MMP25: variants seen among roughly 807,000 people sequenced by gnomAD.
MMP25 encodes matrix metallopeptidase 25, also known as matrix metalloproteinase-25.
MMP25 carries 68 observed loss-of-function variants against 62.1 expected under a neutral mutation model. The ratio of observed to expected loss-of-function variants is 1.10; its 90% confidence interval spans 0.90 to 1.34. The LOEUF is 1.34. Ranked by LOEUF, MMP25 falls within the 40% of genes most tolerant of loss-of-function variation. MMP25 has a pLI of 0.00. For synonymous variants in MMP25, 407 were observed against 345.6 expected (o/e 1.18, Z -1.97); for missense variants, 942 against 792.5 (o/e 1.19, Z -2.26).
rs1052156909 is a variant in MMP25 at position 3,059,364 on chromosome 16, C to T, written c.*266C>T. ...TTCAGGGGCGCACGCGCGCTGGGAC[C>T]ATGCGTCGGTCGTCGCCCCCGTCGT... On this transcript the variant is annotated 3_prime_UTR_variant, in exon 10 of 10. Coordinates refer to ENST00000336577, the MANE Select transcript of MMP25 (RefSeq NM_022468.5). 1 of 361,574 alleles carries T rather than the reference C, an allele frequency of 2.8e-6. No homozygotes were observed. The highest frequency in any genetic ancestry group is 4.1e-5 in the East Asian group (1 of 24,328). 22.4% of individuals were successfully genotyped at this position (361,574 alleles called of 1,614,324 possible). A position where few individuals can be genotyped will look rare whatever the true frequency, so the allele number is the denominator to read the frequency against.
In MMP25 at chr16:3,057,394, G is replaced by A; in HGVS notation, c.923G>A (p.Ser308Asn). The part of the protein sequence containing the change: ...PPQPPASPTH[S>N]PSFPIPDRCE... ...CAGCCCCCGGCCTCGCCCACACACA[G>A]GTGAGTCCCCCACCAACTCGGAGAC... Residue 308 changes from serine (S) to asparagine (N), a missense_variant and splice_region_variant, in exon 6 of 10, where the codon AGC (serine) becomes AAC (asparagine). Ser to Asn is a conservative substitution (Grantham distance 46, BLOSUM62 1). Transcript: ENST00000336577. The A allele has an allele frequency of 1.2e-6, 2 of 1,611,440 alleles. No individual in the cohort carries two copies. Among genetic ancestry groups the A allele is most frequent in the South Asian group, 1.1e-5 (1 of 90,760 alleles).
intron 4 of MMP25, chr16:3,053,087 G>C (rs995944905): frequency 2.6e-5 from 4 of 152,214 alleles, no homozygotes; most frequent in Admixed American, 6.5e-5. Flanking sequence ...CTGAGTGACG[G>C]GGGAAGGGGG....
intron 7 of MMP25, 149 bp from the exon 8 acceptor site, chr16:3,058,032 G>C: frequency 2.2e-6 from 2 of 922,110 alleles, no homozygotes; most frequent in Non-Finnish European, 3.2e-6. Flanking sequence ...AAAGGGAAAA[G>C]TCTCAGGCGG....
chr16:3,054,873 G>C (rs1461930854), intron 4 of MMP25: 1 of 155,236 alleles, frequency 6.4e-6, no homozygotes, highest in African/African-American at 2.4e-5. Flanking sequence ...TGGGTGGGTA[G>C]ATTGGACGGA....
chr16:3,055,920 G>C (rs1955999404), intron 4 of MMP25: 1 of 455,436 alleles, frequency 2.2e-6, no homozygotes, highest in Non-Finnish European at 4.4e-6. Context: ...GAATCCTCTG[G>C]GTCCTGGCAG....
rs1297817138 is a variant in MMP25, at chr16:3,046,935, G to T, written c.18G>T (p.Arg6=). The T allele has an allele frequency of 6.8e-7, 1 of 1,462,956 alleles. No homozygotes were observed. The highest frequency in any genetic ancestry group is 9.0e-7 in the Non-Finnish European group (1 of 1,115,672). 90.6% of individuals were successfully genotyped at this position (1,462,956 alleles called of 1,614,324 possible). Residue 6 remains arginine (R), a synonymous_variant, in exon 1 of 10, where the codon CGG becomes CGT. Transcript: ENST00000336577. The part of the protein sequence containing the change: MRLRL[R]LLALLLLLLA... The stretch of plus-strand genomic sequence containing the variant: ...GGCGCACCATGCGGCTGCGGCTCCG[G>T]CTTCTGGCGCTGCTGCTTCTGCTGC...
In MMP25 at chr16:3,050,473, C is replaced by G. The variant is rs771923378; in HGVS notation, c.588C>G (p.Phe196Leu). 3 of 1,611,406 alleles carry G rather than the reference C, an allele frequency of 1.9e-6. No individual in the cohort carries two copies. The highest frequency in any genetic ancestry group is 2.5e-6 in the Non-Finnish European group (3 of 1,178,516). The change falls in exon 4 of 10, where the codon TTC (phenylalanine) becomes TTG (leucine). Residue 196 changes from phenylalanine (F) to leucine (L), a missense_variant. Transcript: ENST00000336577. ...DGLGGTLAHA[F>L]FPGEHPISGD... ...TGGGGGGCACCCTAGCCCATGCCTT[C>G]TTCCCTGGGGAGCACCCCATCTCCG...
Position 3,059,565 on chromosome 16 carries a change from C to T in MMP25, c.*467C>T, listed in dbSNP as rs532711284. The T allele has an allele frequency of 2.2e-4, 34 of 155,158 alleles. No homozygotes were observed. The highest frequency in any genetic ancestry group is 4.1e-4 in the Non-Finnish European group (29 of 70,194). 9.6% of individuals were successfully genotyped at this position (155,158 alleles called of 1,614,324 possible). ...GAGCCAGCTTTTCTCGGAGCGCAGT[C>T]CTGGGACTCTCCGCAGCCCCGCCCC... is the stretch of plus-strand genomic sequence containing the variant. On this transcript the variant is annotated 3_prime_UTR_variant, in exon 10 of 10. Coordinates refer to ENST00000336577, the MANE Select transcript of MMP25 (RefSeq NM_022468.5).
chr16:3,057,485 G>C, intron 6 of MMP25, 46 bp from the exon 7 acceptor site: 1 of 1,603,002 alleles, frequency 6.2e-7, no homozygotes, highest in Non-Finnish European at 8.5e-7. Flanking sequence ...CCCTGCCTTG[G>C]AGAAAACAAA....
intron 1 of MMP25, 130 bp from the exon 2 acceptor site, chr16:3,047,285 G>A (rs116852132): frequency 0.026 from 35,377 of 1,373,392 alleles, 550 homozygotes; most frequent in Non-Finnish European, 0.03. Flanking sequence ...GAGGGGAGCA[G>A]GCAGGCATCC....
Position 3,050,149 on chromosome 16 carries a change from G to C in MMP25, c.368+5G>C. On this transcript the variant is annotated splice_donor_5th_base_variant and intron_variant, in intron 3 of 9. Transcript: ENST00000336577. ...GAAGCGAACCCTGACATGGAGGTAG[G>C]TCCTGGGGCCCACCCGCACCCTGGC... 1.2e-6 allele frequency: 2 copies of C among 1,601,424 alleles called. No individual in the cohort carries two copies. The highest frequency in any genetic ancestry group is 2.7e-5 in the African/African-American group (2 of 74,844).
At chr16:3,058,693 G>A in intron 9 of MMP25, 24 bp downstream of exon 9, 1 of 1,581,188 alleles carries the variant, frequency 6.3e-7, no homozygotes, top group South Asian at 1.1e-5. Context: ...TGACCTGCGG[G>A]TTACTGGGCC....
intron 4 of MMP25, among the ~76,000 whole-genome samples, chr16:3,050,778 AT>A (rs550111950): frequency 1.7e-3 from 260 of 151,830 alleles, no homozygotes; most frequent in Admixed American, 4.1e-3. Context: ...ATACCTGGCT[AT>A]TTTTTTTGTT....
intron 6 of MMP25, 30 bp downstream of exon 6, chr16:3,057,424 G>A (rs1426726355): frequency 6.2e-7 from 1 of 1,605,984 alleles, no homozygotes; most frequent in Non-Finnish European, 8.5e-7. Context: ...GGAGACCTTG[G>A]GTGACCAGCT....
chr16:3,048,648 A>G (rs1389262892), intron 2 of MMP25, among the ~76,000 whole-genome samples: 1 of 152,076 alleles, frequency 6.6e-6, no homozygotes, highest in East Asian at 1.9e-4. Context: ...CGGCACGCAG[A>G]AGCTTGTGTG....
rs1955838645 is a variant in MMP25, at chr16:3,047,565, C to G, written c.232+18C>G. On this transcript the variant is annotated intron_variant, in intron 2 of 9. Coordinates refer to ENST00000336577, the MANE Select transcript of MMP25 (RefSeq NM_022468.5). ...CCGCATGGGTAGGTGGCCCCCACCC[C>G]TCCCCAGCCCTGCCTCTGCACCCAG... The G allele has an allele frequency of 1.2e-6, 2 of 1,609,064 alleles. No homozygotes were observed. The highest frequency in any genetic ancestry group is 1.7e-6 in the Non-Finnish European group (2 of 1,178,278).
chr16:3,057,340 C>G lies in MMP25; in HGVS notation c.869C>G (p.Pro290Arg). ...GKAPQTPYDK[P>R]TRKPLAPPPQ... ...GCGCCCCAAACCCCATATGACAAGC[C>G]CACAAGGAAACCCCTGGCTCCTCCG... Residue 290 changes from proline to arginine, a missense_variant, in exon 6 of 10, where the codon CCC becomes CGC. Pro to Arg is a moderately radical substitution (Grantham distance 103, BLOSUM62 -2). Transcript: ENST00000336577. 6.2e-7 allele frequency: 1 copy of G among 1,614,056 alleles called. No individual in the cohort carries two copies. Among genetic ancestry groups the G allele is most frequent in the Non-Finnish European group, 8.5e-7 (1 of 1,179,992 alleles).
In MMP25 at chr16:3,047,404, C is replaced by T. The variant is rs982557660; in HGVS notation, c.100-11C>T. 7 of 1,606,946 alleles carry T rather than the reference C, an allele frequency of 4.4e-6. No individual in the cohort carries two copies. The highest frequency in any genetic ancestry group is 4.3e-6 in the Non-Finnish European group (5 of 1,175,482). ...CCCAGCCCGCTTCACCTGCCCCCTC[C>T]GATGCCCTAGGACTGGCTGACTCGC... On this transcript the variant is annotated splice_polypyrimidine_tract_variant and intron_variant, in intron 1 of 9. Transcript: ENST00000336577.
chr16:3,057,259 C>T (rs747690845), intron 5 of MMP25, 50 bp downstream of exon 5: 3 of 1,613,992 alleles, frequency 1.9e-6, no homozygotes, highest in East Asian at 4.5e-5. Flanking sequence ...CATCCAGTGT[C>T]CTCTGCAGCA....
Sources: gnomAD v4.1 joint callset for allele counts (sites outside exome capture counted in the v4.1 genomes callset) on GRCh38, gnomAD v4.1.1 for gene constraint, MANE v1.5 for transcripts, NCBI Gene and HGNC (gene_info 2026-07-23, HGNC 2026-07-21) for gene names.